Variants in AOAH observed in about 807,000 individuals in gnomAD.
The protein encoded by AOAH is acyloxyacyl hydrolase (neutrophil).
Under a neutral mutation model 92.2 loss-of-function variants are expected in AOAH, and 64 were observed. The observed-to-expected ratio is 0.69, with a 90% CI of 0.57 to 0.86. AOAH has a LOEUF of 0.86. Among genes scored for constraint, AOAH ranks in the 40% least tolerant of loss-of-function variants. The pLI is 0.00. For synonymous variants in AOAH, 263 were observed against 254.5 expected, an observed-to-expected ratio of 1.03 and a Z score of -0.32; for missense variants, 656 against 694.6, an observed-to-expected ratio of 0.94 and a Z score of 0.62.
chr7:36,654,118 C>T (rs1477857911), intron 4 of AOAH, among the ~76,000 whole-genome samples: 1 of 151,638 alleles, frequency 6.6e-6, no homozygotes, highest in East Asian at 1.9e-4. Flanking sequence ...CATCCCTGTG[C>T]GTGTGTGCGT....
intron 16 of AOAH, among the ~76,000 whole-genome samples, chr7:36,533,678 CGT>C (rs5883560): frequency 0.48 from 72,262 of 149,008 alleles, 17,436 homozygotes; most frequent in Admixed American, 0.56. Context: ...ATTTTGTGTG[CGT>C]GTGTGTGTGT....
chr7:36,547,607 T>C (rs1266635232), intron 15 of AOAH, among the ~76,000 whole-genome samples: 1 of 152,184 alleles, frequency 6.6e-6, no homozygotes, highest in African/African-American at 2.4e-5. Context: ...CTTTCCTGTT[T>C]CCTAAAATAG....
chr7:36,612,442 C>T (rs945976007), intron 11 of AOAH, among the ~76,000 whole-genome samples: 5 of 152,156 alleles, frequency 3.3e-5, no homozygotes, highest in Non-Finnish European at 4.4e-5. Flanking sequence ...TTTACATCCC[C>T]TATTTTTTGA....
At chr7:36,694,959 A>AG (rs397741064) in intron 1 of AOAH, among the ~76,000 whole-genome samples, 2 of 151,650 alleles carry the variant, frequency 1.3e-5, no homozygotes, top group Non-Finnish European at 2.9e-5. Flanking sequence ...AGAGAGAGAG[A>AG]AATAATTTTA....
intron 11 of AOAH, chr7:36,594,730 A>C (rs1336226109): frequency 2.7e-6 from 1 of 375,810 alleles, no homozygotes; most frequent in Non-Finnish European, 5.0e-6. Flanking sequence ...CCATTCTTAC[A>C]TTTTCTGAGA....
intron 6 of AOAH, among the ~76,000 whole-genome samples, chr7:36,625,205 G>C (rs1792564822): frequency 6.6e-6 from 1 of 152,136 alleles, no homozygotes; most frequent in African/African-American, 2.4e-5. Flanking sequence ...AAGGCAGCAG[G>C]CTCCCTCTTA....
intron 2 of AOAH, among the ~76,000 whole-genome samples, chr7:36,678,761 GCTCT>G (rs796683629): frequency 7.9e-5 from 12 of 152,244 alleles, no homozygotes; most frequent in African/African-American, 2.9e-4. Context: ...GACAGGAAAT[GCTCT>G]CTGAGAGCTA....
chr7:36,634,869 A>G (rs1266550555), intron 5 of AOAH, among the ~76,000 whole-genome samples: 1 of 152,242 alleles, frequency 6.6e-6, no homozygotes, highest in African/African-American at 2.4e-5. Flanking sequence ...ACTATTATAT[A>G]ATTGCACAGC....
At chr7:36,592,111 CTAAT>C (rs1400589915) in intron 12 of AOAH, among the ~76,000 whole-genome samples, 3 of 152,106 alleles carry the variant, frequency 2.0e-5, no homozygotes, top group Non-Finnish European at 4.4e-5. Flanking sequence ...TTGTTCATAC[CTAAT>C]TAATTCTTTT....
At position 36,522,030 on chromosome 7, in the gene AOAH, T is replaced by G. The variant is rs562943367; in HGVS notation, c.1599+9A>C. 6.2e-6 allele frequency: 10 copies of G among 1,613,458 alleles called. No homozygotes were observed. The highest frequency in any genetic ancestry group is 5.3e-5 in the African/African-American group (4 of 75,062). On this transcript the variant is annotated intron_variant, in intron 20 of 20. Transcript: ENST00000617537. The stretch of plus-strand genomic sequence containing the variant: ...TAGCCTTCTGCAGCCACCATGTGAC[T>G]GTGCTTACCTCGTTGGGGTGGAATC...
At chr7:36,708,177 T>A (rs902947618) in intron 1 of AOAH, among the ~76,000 whole-genome samples, 1 of 149,196 alleles carries the variant, frequency 6.7e-6, no homozygotes, top group African/African-American at 2.5e-5. Context: ...GTTTTATAAA[T>A]GTTGAGATAC....
At chr7:36,603,742 A>T (rs1177514384) in intron 11 of AOAH, among the ~76,000 whole-genome samples, 1 of 152,008 alleles carries the variant, frequency 6.6e-6, no homozygotes. Context: ...TCTGACCTCT[A>T]CTCTAGGATC....
chr7:36,685,884 C>T (rs73344068), intron 2 of AOAH, among the ~76,000 whole-genome samples: 3,499 of 152,120 alleles, frequency 0.023, 121 homozygotes, highest in African/African-American at 0.08. Flanking sequence ...TATGACTAAA[C>T]GGAACAACTT....
At position 36,614,205 on chromosome 7, in the gene AOAH, T is replaced by C. The variant is rs1377725007; in HGVS notation, c.846+2175A>G. 3.9e-5 allele frequency among the ~76,000 whole-genome samples: 6 copies of C among 152,170 alleles called. No individual in the cohort carries two copies. Among genetic ancestry groups the C allele is most frequent in the African/African-American group, 1.4e-4 (6 of 41,438 alleles). ...CCACCCCCTTCTCTAATGGACACGG[T>C]GGCTCTTGGGACGAGTCTGTTGTGG... On this transcript the variant is annotated intron_variant, in intron 11 of 20. Coordinates refer to ENST00000617537, the MANE Select transcript of AOAH (RefSeq NM_001637.4). The surrounding 1 kb of genome is among the most constrained non-coding windows in gnomAD (Gnocchi z 4.2).
At chr7:36,570,077 C>T (rs1164118850) in intron 13 of AOAH, among the ~76,000 whole-genome samples, 4 of 152,160 alleles carry the variant, frequency 2.6e-5, no homozygotes, top group Non-Finnish European at 5.9e-5. Flanking sequence ...GTACTATCAT[C>T]TCTAGGCACA....
At chr7:36,689,430 C>T (rs1359109512) in intron 1 of AOAH, among the ~76,000 whole-genome samples, 2 of 152,286 alleles carry the variant, frequency 1.3e-5, no homozygotes, top group Admixed American at 1.3e-4. Context: ...GATTTGGTGT[C>T]TGGTGAGGGC....
At chr7:36,636,817 C>T (rs574399737) in intron 5 of AOAH, among the ~76,000 whole-genome samples, 1 of 152,310 alleles carries the variant, frequency 6.6e-6, no homozygotes, top group African/African-American at 2.4e-5. Context: ...TTTAACTGGG[C>T]ATCCCATATT....
At chr7:36,538,940 T>C (rs560539609) in intron 16 of AOAH, among the ~76,000 whole-genome samples, 69 of 152,310 alleles carry the variant, frequency 4.5e-4, no homozygotes, top group South Asian at 1.5e-3. Flanking sequence ...GTGTCCACCA[T>C]TGTCCCTCCA....
chr7:36,572,411 G>A (rs1788202918), intron 13 of AOAH, among the ~76,000 whole-genome samples: 1 of 151,822 alleles, frequency 6.6e-6, no homozygotes, highest in Non-Finnish European at 1.5e-5. Context: ...GTGGTCCCAG[G>A]ACTTGGGAGG....
Sources: allele counts gnomAD v4.1 joint callset (sites outside exome capture counted in the v4.1 genomes callset), GRCh38; gene constraint gnomAD v4.1.1; non-coding constraint Gnocchi (gnomAD v3.1); transcripts MANE v1.5; gene names NCBI Gene and HGNC (gene_info 2026-07-23, HGNC 2026-07-21).